The following SLC25A48 variants were observed in gnomAD, a reference collection of about 807,000 sequenced individuals.
SLC25A48 encodes solute carrier family 25 member 48.
In SLC25A48, 29 loss-of-function variants were observed where a neutral mutation model predicts 32.2. The observed-to-expected ratio is 0.90, with a 90% confidence interval of 0.67 to 1.23. The LOEUF is 1.23. SLC25A48 is among the 50% of genes most tolerant of loss of function. SLC25A48 has a pLI of 0.00. For synonymous variants in SLC25A48, 164 were observed against 172.3 expected (o/e 0.95, Z 0.38); for missense variants, 399 against 422.7 (o/e 0.94, Z 0.49).
At chr5:135,825,537 C>T (rs577075250) in intron 4 of SLC25A48, among the ~76,000 whole-genome samples, 8 of 152,278 alleles carry the variant, frequency 5.3e-5, no homozygotes, top group Admixed American at 4.6e-4. Flanking sequence ...AGACATGGGC[C>T]TGTCCTTTTC....
intron 3 of SLC25A48, among the ~76,000 whole-genome samples, chr5:135,785,615 A>G (rs921672927): frequency 1.3e-5 from 2 of 148,764 alleles, no homozygotes; most frequent in Non-Finnish European, 3.0e-5. Context: ...GCCTTGCCCC[A>G]TGGATTGTAA....
chr5:135,835,261 C>A, intron 1 of SLC25A48: 1 of 490,000 alleles, frequency 2.0e-6, no homozygotes. Flanking sequence ...CTCGCGGGAA[C>A]TTATGTATGA....
chr5:135,885,851 C>T (rs1675078740), intron 7 of SLC25A48, among the ~76,000 whole-genome samples: 1 of 152,142 alleles, frequency 6.6e-6, no homozygotes, highest in Non-Finnish European at 1.5e-5. Flanking sequence ...ATAGATCTCA[C>T]ATATATTGTC....
chr5:135,672,664 C>A (rs949693859), intron 3 of SLC25A48, among the ~76,000 whole-genome samples: 1 of 152,120 alleles, frequency 6.6e-6, no homozygotes, highest in East Asian at 1.9e-4. Context: ...CGTAACATCC[C>A]CTGTTTTTTT....
intron 4 of SLC25A48, among the ~76,000 whole-genome samples, chr5:135,863,552 A>G (rs945254304): frequency 6.6e-6 from 1 of 152,206 alleles, no homozygotes; most frequent in Non-Finnish European, 1.5e-5. Flanking sequence ...TAACACTAAT[A>G]ACTGCAGTTA....
At chr5:135,587,255 A>G (rs1751390479) in intron 1 of SLC25A48, among the ~76,000 whole-genome samples, 1 of 152,142 alleles carries the variant, frequency 6.6e-6, no homozygotes, top group Non-Finnish European at 1.5e-5. Flanking sequence ...CGTGTCTTGA[A>G]TTTCTGAGCT....
Position 135,795,346 on chromosome 5 carries a change from A to T in SLC25A48, c.-520-17177A>T, listed in dbSNP as rs1019081168. ...ACAAAGGGTTTACACCCCCCATGAT[A>T]TTATTCCTAATATCCATTGGGGGAG... On this transcript the variant is annotated intron_variant, in intron 3 of 10. Transcript: ENST00000646290. Among the ~76,000 whole-genome samples the T allele has an allele frequency of 5.3e-5, 8 of 151,948 alleles. No homozygotes were observed. In the Middle Eastern group the frequency reaches 0.014, roughly 260 times the overall value.
chr5:135,719,723 G>C (rs1397584369), intron 3 of SLC25A48, among the ~76,000 whole-genome samples: 1 of 152,266 alleles, frequency 6.6e-6, no homozygotes, highest in East Asian at 1.9e-4. Context: ...TGAGGGTATG[G>C]CCTCTCTCCC....
At chr5:135,636,650 A>G (rs1213298041) in intron 3 of SLC25A48, among the ~76,000 whole-genome samples, 1 of 152,220 alleles carries the variant, frequency 6.6e-6, no homozygotes, top group African/African-American at 2.4e-5. Flanking sequence ...CAGCACCATC[A>G]TTAGGCCTGA....
At chr5:135,765,685 A>G (rs1756197829) in intron 3 of SLC25A48, among the ~76,000 whole-genome samples, 1 of 151,348 alleles carries the variant, frequency 6.6e-6, no homozygotes, top group African/African-American at 2.4e-5. Context: ...ACCACCCTGT[A>G]ATATCTTAAG....
In SLC25A48 at chr5:135,748,807, C is replaced by T. The variant is rs966261300; in HGVS notation, c.-520-63716C>T. Reference sequence around the variant, plus strand: ...GATACTGGCTCACTGCAACCTCCGCCTCCCAGGTTCAAGCGATTCCCCTGC... The same window carrying T: ...GATACTGGCTCACTGCAACCTCCGCTTCCCAGGTTCAAGCGATTCCCCTGC... On this transcript the variant is annotated intron_variant, in intron 3 of 10. Coordinates refer to the SLC25A48 transcript ENST00000646290. Among the ~76,000 whole-genome samples, 4 of 151,882 alleles carry T rather than the reference C, an allele frequency of 2.6e-5. No homozygotes were observed. In the South Asian group the frequency reaches 8.3e-4, roughly 32 times the overall value.
At chr5:135,816,068 G>A (rs11951836) in intron 4 of SLC25A48, among the ~76,000 whole-genome samples, 116,361 of 152,080 alleles carry the variant, frequency 0.77, 44,930 homozygotes, top group Middle Eastern at 0.86. Flanking sequence ...TGCCTTCTTC[G>A]CATGGTGGCA....
intron 4 of SLC25A48, among the ~76,000 whole-genome samples, chr5:135,866,307 C>A (rs1761200666): frequency 6.6e-6 from 1 of 152,210 alleles, no homozygotes; most frequent in Admixed American, 6.5e-5. Flanking sequence ...CAGTGGCCAG[C>A]CATTGTGTTT....
intron 3 of SLC25A48, among the ~76,000 whole-genome samples, chr5:135,645,342 CAT>C (rs1752934246): frequency 6.6e-6 from 1 of 152,206 alleles, no homozygotes; most frequent in African/African-American, 2.4e-5. Flanking sequence ...ATTTTGTTCA[CAT>C]AATTATTCAC....
intron 3 of SLC25A48, among the ~76,000 whole-genome samples, chr5:135,667,139 T>C (rs376569038): frequency 1.4e-4 from 21 of 152,330 alleles, no homozygotes; most frequent in African/African-American, 4.6e-4. Flanking sequence ...AACATGCCCA[T>C]ACTTTTCCAT....
At chr5:135,701,840 C>T (rs188642385) in intron 3 of SLC25A48, among the ~76,000 whole-genome samples, 18 of 152,372 alleles carry the variant, frequency 1.2e-4, no homozygotes, top group Non-Finnish European at 2.5e-4. Flanking sequence ...CCCTGCCAAC[C>T]TGTCCTCCAC....
rs73791003 is a variant in SLC25A48, at chr5:135,626,406, A to G, written c.-848-2831A>G. Among the ~76,000 whole-genome samples the G allele has an allele frequency of 9.2e-3, 1,408 of 152,334 alleles. 25 individuals are homozygous for G. The highest frequency in any genetic ancestry group is 0.032 in the African/African-American group (1,336 of 41,564). ...CAGCATTACTGGCTCCCAGGTTTTA[A>G]TGTGTGTTTCTGGTGAACAGAGGCT... On this transcript the variant is annotated intron_variant, in intron 1 of 10. Transcript: ENST00000646290.
At chr5:135,666,603 T>C (rs1753530486) in intron 3 of SLC25A48, among the ~76,000 whole-genome samples, 2 of 151,818 alleles carry the variant, frequency 1.3e-5, no homozygotes, top group Non-Finnish European at 2.9e-5. Flanking sequence ...ATGAAGGCCC[T>C]AGGAAGATTT....
At chr5:135,631,143 C>G (rs1370985135) in intron 2 of SLC25A48, among the ~76,000 whole-genome samples, 1 of 152,150 alleles carries the variant, frequency 6.6e-6, no homozygotes, top group Non-Finnish European at 1.5e-5. Context: ...TTGTGGCTAG[C>G]TTTATGATGA....
Sources: allele counts gnomAD v4.1 joint callset (sites outside exome capture counted in the v4.1 genomes callset), GRCh38; gene constraint gnomAD v4.1.1; transcripts MANE v1.5; gene names NCBI Gene and HGNC (gene_info 2026-07-23, HGNC 2026-07-21).